The following LRGUK variants were observed in gnomAD, a reference collection of about 807,000 sequenced individuals.
The protein encoded by LRGUK is leucine-rich repeat and guanylate kinase domain-containing protein.
A neutral mutation model predicts 76.0 loss-of-function variants in LRGUK; 65 were observed. The ratio of observed to expected loss-of-function variants is 0.85; its 90% CI spans 0.70 to 1.05. LRGUK has a LOEUF of 1.05. Among genes scored for constraint, LRGUK ranks in the 50% least tolerant of loss-of-function variants. LRGUK has a pLI of 0.00. For synonymous variants in LRGUK, 268 were observed against 265.6 expected (o/e 1.01, Z -0.09); for missense variants, 758 against 732.8 (o/e 1.03, Z -0.40).
At chr7:134,207,929 A>G (rs1801075602) in intron 15 of LRGUK, among the ~76,000 whole-genome samples, 1 of 152,160 alleles carries the variant, frequency 6.6e-6, no homozygotes, top group Non-Finnish European at 1.5e-5. Context: ...CGTCTGTGAG[A>G]CTGTCCCAGA....
At chr7:134,239,411 C>A (rs147794262) in intron 16 of LRGUK, among the ~76,000 whole-genome samples, 3,882 of 152,340 alleles carry the variant, frequency 0.025, 118 homozygotes, top group African/African-American at 0.065. Flanking sequence ...TATCCTGTGC[C>A]TGGCTCGGAG....
At chr7:134,176,222 G>A (rs1480260956) in intron 8 of LRGUK, among the ~76,000 whole-genome samples, 3 of 152,134 alleles carry the variant, frequency 2.0e-5, no homozygotes, top group African/African-American at 4.8e-5. Flanking sequence ...CCTGGGGCCT[G>A]TCAGGGGCGG....
chr7:134,199,545 T>C, intron 14 of LRGUK, 124 bp downstream of exon 14: 2 of 755,146 alleles, frequency 2.6e-6, no homozygotes, highest in Non-Finnish European at 4.3e-6. Context: ...CACAAAGAGC[T>C]GCGAAAAGGG....
chr7:134,275,153 C>T, the LRGUK span, among the ~76,000 whole-genome samples: 1 of 151,916 alleles, frequency 6.6e-6, no homozygotes, highest in Non-Finnish European at 1.5e-5. Flanking sequence ...CTTTCCCATT[C>T]CCACAATTAT....
rs146134011 is a variant in LRGUK at position 134,193,234 on chromosome 7, A to T, written c.1431+1483A>T. 7.9e-5 allele frequency among the ~76,000 whole-genome samples: 12 copies of T among 152,332 alleles called. 1 individual carries two copies. Among genetic ancestry groups the T allele is most frequent in the African/African-American group, 2.9e-4 (12 of 41,590 alleles). On this transcript the variant is annotated intron_variant, in intron 12 of 15. Coordinates refer to ENST00000645682, the Ensembl canonical transcript of LRGUK. ...ATATTTTGGCAGTTCAGTTTAATTG[A>T]TTAAGAGTACTCTGGGACTTTATGT...
intron 10 of LRGUK, 146 bp from the exon 11 acceptor site, chr7:134,183,588 G>A (rs1799849621): frequency 1.4e-6 from 1 of 715,852 alleles, no homozygotes; most frequent in East Asian, 2.9e-5. Context: ...TAATCAATCT[G>A]TTTCTGGAAA....
chr7:134,137,152 T>C (rs1394739233), intron 2 of LRGUK, 22 bp downstream of exon 2: 2 of 1,537,848 alleles, frequency 1.3e-6, no homozygotes, highest in South Asian at 2.3e-5. Flanking sequence ...AAAATCTCCA[T>C]TGGCTGGCTA....
chr7:134,163,465 C>A, exon 7 of LRGUK: 1 of 1,613,720 alleles, frequency 6.2e-7, no homozygotes, highest in Non-Finnish European at 8.5e-7. Flanking sequence ...TGGATCTGTC[C>A]CACAATCAGA....
chr7:134,238,445 TA>T (rs1802062945), intron 16 of LRGUK, among the ~76,000 whole-genome samples: 1 of 152,138 alleles, frequency 6.6e-6, no homozygotes, highest in Admixed American at 6.5e-5. Context: ...CTTTTTTATT[TA>T]AAATTTTTTA....
the LRGUK span, among the ~76,000 whole-genome samples, chr7:134,276,266 C>A: frequency 6.6e-6 from 1 of 152,194 alleles, no homozygotes; most frequent in African/African-American, 2.4e-5. Flanking sequence ...CCATCCCCAC[C>A]AAAGGCGTGA....
chr7:134,232,758 T>C (rs1372568634), intron 16 of LRGUK, among the ~76,000 whole-genome samples: 1 of 152,218 alleles, frequency 6.6e-6, no homozygotes, highest in Non-Finnish European at 1.5e-5. Flanking sequence ...TTTCTATAAA[T>C]GTGATCATAA....
At chr7:134,163,640 C>T (rs1267711209) in intron 7 of LRGUK, 100 bp downstream of exon 7, 5 of 1,050,054 alleles carry the variant, frequency 4.8e-6, no homozygotes, top group African/African-American at 1.6e-5. Context: ...TAAGGGCGGA[C>T]ACATTAAATG....
intron 16 of LRGUK, among the ~76,000 whole-genome samples, chr7:134,235,229 T>G (rs937551952): frequency 1.3e-5 from 2 of 152,230 alleles, no homozygotes; most frequent in African/African-American, 2.4e-5. Context: ...CTCCATGATC[T>G]TGTTCCTTTG....
intron 4 of LRGUK, among the ~76,000 whole-genome samples, chr7:134,147,905 CA>C (rs755147156): frequency 6.6e-6 from 1 of 151,672 alleles, no homozygotes. Flanking sequence ...ACTAAAAATA[CA>C]AAAAAATTAG....
chr7:134,175,722 C>T (rs74623799), intron 8 of LRGUK, among the ~76,000 whole-genome samples: 15,453 of 152,056 alleles, frequency 0.1, 1,557 homozygotes, highest in East Asian at 0.38. Flanking sequence ...ACTTTTGCAC[C>T]AACCTAATAT....
chr7:134,269,347 A>G (rs1585618190), downstream of LRGUK, among the ~76,000 whole-genome samples: 1 of 121,474 alleles, frequency 8.2e-6, no homozygotes, highest in African/African-American at 3.4e-5. Flanking sequence ...TATGATTTCA[A>G]TTCTTTTTTT....
chr7:134,217,515 A>G (rs1801466394), intron 15 of LRGUK, among the ~76,000 whole-genome samples: 1 of 152,134 alleles, frequency 6.6e-6, no homozygotes, highest in African/African-American at 2.4e-5. Context: ...TTATGTGATA[A>G]CTTTCTACTC....
At chr7:134,140,839 C>A (rs1465155881) in intron 3 of LRGUK, among the ~76,000 whole-genome samples, 2 of 152,116 alleles carry the variant, frequency 1.3e-5, no homozygotes, top group Non-Finnish European at 2.9e-5. Flanking sequence ...AATTACAAAG[C>A]ACAAATAGAA....
chr7:134,239,298 A>G (rs901415358), intron 16 of LRGUK, among the ~76,000 whole-genome samples: 1 of 152,154 alleles, frequency 6.6e-6, no homozygotes, highest in African/African-American at 2.4e-5. Flanking sequence ...TCCCTTTCCT[A>G]GCAAAGGGAA....
Sources: allele counts gnomAD v4.1 joint callset (sites outside exome capture counted in the v4.1 genomes callset), GRCh38; gene constraint gnomAD v4.1.1; transcripts MANE v1.5; gene names NCBI Gene and HGNC (gene_info 2026-07-23, HGNC 2026-07-21).